Variants in SANBR observed in about 807,000 individuals in gnomAD.
The protein encoded by SANBR is SANT and BTB domain regulator of CSR.
SANBR carries 77 observed loss-of-function variants against 101.8 expected under a neutral mutation model. The ratio of observed to expected loss-of-function variants is 0.76; its 90% CI spans 0.63 to 0.91. The LOEUF is 0.91. Among genes scored for constraint, SANBR ranks in the 40% least tolerant of loss-of-function variants. The pLI, the probability that SANBR is intolerant of heterozygous loss-of-function variation, is 0.00. For missense variants in SANBR, 875 were observed against 853.0 expected (o/e 1.03, Z -0.32); for synonymous variants, 279 against 274.7 (o/e 1.02, Z -0.15).
intron 12 of SANBR, among the ~76,000 whole-genome samples, chr2:61,102,194 G>A (rs758276275): frequency 8.6e-5 from 13 of 151,518 alleles, no homozygotes; most frequent in Non-Finnish European, 1.9e-4. Context: ...TGACCAACAT[G>A]GTGAAACCCC....
At chr2:61,066,898 T>C (rs1415667497) in intron 1 of SANBR, among the ~76,000 whole-genome samples, 3 of 152,100 alleles carry the variant, frequency 2.0e-5, no homozygotes, top group Admixed American at 1.3e-4. Flanking sequence ...GTTAAACATA[T>C]TGGATTTTTA....
intron 10 of SANBR, chr2:61,088,990 T>A: frequency 1.1e-6 from 1 of 899,152 alleles, no homozygotes; most frequent in Non-Finnish European, 1.3e-6. Context: ...CATAATGTTT[T>A]ACACATTAAA....
At chr2:61,096,429 G>T (rs1242766426) in intron 11 of SANBR, among the ~76,000 whole-genome samples, 1 of 152,124 alleles carries the variant, frequency 6.6e-6, no homozygotes, top group African/African-American at 2.4e-5. Context: ...GGGACTCAGG[G>T]TCCATCCTAA....
At chr2:61,101,189 C>T (rs62151033) in intron 12 of SANBR, among the ~76,000 whole-genome samples, 2,230 of 152,196 alleles carry the variant, frequency 0.015, 37 homozygotes, top group African/African-American at 0.029. Flanking sequence ...GGGCATGAGA[C>T]GTTAAGCAAA....
intron 21 of SANBR, among the ~76,000 whole-genome samples, chr2:61,134,486 T>C (rs111517386): frequency 2.0e-5 from 3 of 152,250 alleles, no homozygotes; most frequent in African/African-American, 7.2e-5. Flanking sequence ...CTCTTCTTTC[T>C]GTGTGGTATT....
intron 20 of SANBR, among the ~76,000 whole-genome samples, chr2:61,130,734 G>A (rs1285110591): frequency 6.6e-6 from 1 of 151,380 alleles, no homozygotes; most frequent in African/African-American, 2.4e-5. Context: ...AGATCATGAG[G>A]TCAGGAGTTC....
intron 5 of SANBR, among the ~76,000 whole-genome samples, chr2:61,074,441 C>T (rs139352927): frequency 3.9e-5 from 6 of 152,148 alleles, no homozygotes; most frequent in Admixed American, 6.5e-5. Context: ...CAAAGTCTCA[C>T]GCTGTCACCC....
intron 10 of SANBR, 47 bp from the exon 11 acceptor site, chr2:61,092,417 C>G (rs370184644): frequency 2.1e-5 from 29 of 1,390,458 alleles, no homozygotes; most frequent in Non-Finnish European, 2.7e-5. Context: ...ATAAATAAAA[C>G]AAATTGTTTA....
rs902489294 is a variant in SANBR, at chr2:61,108,310, C to G, written c.1612-7C>G. 1.9e-6 allele frequency: 3 copies of G among 1,556,088 alleles called. No homozygotes were observed. In the African/African-American group the frequency reaches 4.1e-5, roughly 21 times the overall value. Reference sequence around the variant, plus strand: ...AGATTTATTAATCTCTTATTCCTGTCTTGTAGTTCTTGTCATTGAAAAACT... The same window carrying G: ...AGATTTATTAATCTCTTATTCCTGTGTTGTAGTTCTTGTCATTGAAAAACT... On this transcript the variant is annotated splice_region_variant and splice_polypyrimidine_tract_variant and intron_variant, in intron 14 of 21. Transcript: ENST00000402291.
Position 61,117,405 on chromosome 2 carries a change from C to T in SANBR, c.1865+20C>T. On this transcript the variant is annotated intron_variant, in intron 18 of 21. Coordinates refer to ENST00000402291, the MANE Select transcript of SANBR (RefSeq NM_001129993.3). ...TTTCGTGTGAGTATTGCTCCTTAAT[C>T]CAATCGGATATCCACTCTTAAAGAA... is the stretch of plus-strand genomic sequence containing the variant. 6.2e-7 allele frequency: 1 copy of T among 1,613,426 alleles called. No individual in the cohort carries two copies. Among genetic ancestry groups the T allele is most frequent in the Non-Finnish European group, 8.5e-7 (1 of 1,179,458 alleles).
chr2:61,089,720 G>A (rs1682641934), intron 10 of SANBR: 1 of 152,234 alleles, frequency 6.6e-6, no homozygotes. Context: ...TTCTCTTTAT[G>A]TTCAAAACAA....
At chr2:61,109,724 A>G (rs1165161668) in intron 16 of SANBR, among the ~76,000 whole-genome samples, 2 of 137,586 alleles carry the variant, frequency 1.5e-5, no homozygotes, top group Non-Finnish European at 3.0e-5. Context: ...ACTCTGTCAC[A>G]GTGGCGCAAT....
In SANBR at chr2:61,117,478, A is replaced by C. The variant is rs1684129685; in HGVS notation, c.1877A>C (p.Gln626Pro). Residue 626 changes from glutamine (Q) to proline (P), a missense_variant, in exon 19 of 22, where the codon CAG becomes CCG. Transcript: ENST00000402291. ...AATTTTTTCAATAGTATGAGTATGC[A>C]GAAGAATAAGTGGGATGCCACAAGA... The part of the protein sequence containing the change: ...RDVSPFVMSM[Q>P]KNKWDATRSL... The C allele has an allele frequency of 6.2e-7, 1 of 1,613,900 alleles. No individual in the cohort carries two copies. The highest frequency in any genetic ancestry group is 8.5e-7 in the Non-Finnish European group (1 of 1,179,880).
Position 61,118,018 on chromosome 2 carries a change from T to C in SANBR, c.1940-10T>C. ...ATGAAAAGTAAAGTTTACTGTTTTT[T>C]TCCCTTCAGATCAACGGCGAATGAC... is the stretch of plus-strand genomic sequence containing the variant. On this transcript the variant is annotated splice_polypyrimidine_tract_variant and intron_variant, in intron 19 of 21. Coordinates refer to ENST00000402291, the MANE Select transcript of SANBR (RefSeq NM_001129993.3). 6.2e-7 allele frequency: 1 copy of C among 1,605,952 alleles called. No individual in the cohort carries two copies.
intron 21 of SANBR, 175 bp downstream of exon 21, chr2:61,121,451 C>A: frequency 2.1e-6 from 1 of 474,968 alleles, no homozygotes. Flanking sequence ...AAGATAAAAT[C>A]TAATGAAAAT....
intron 4 of SANBR, among the ~76,000 whole-genome samples, chr2:61,072,329 T>A (rs1163880288): frequency 6.6e-6 from 1 of 152,012 alleles, no homozygotes. Flanking sequence ...CCCAGTACTT[T>A]AGGAGGTCAA....
At chr2:61,125,660 T>TG (rs1684493233), downstream of SANBR, among the ~76,000 whole-genome samples, 1 of 152,252 alleles carries the variant, frequency 6.6e-6, no homozygotes, top group Non-Finnish European at 1.5e-5. Flanking sequence ...TCTTACTATT[T>TG]GTTCATGAAC....
At position 61,092,599 on chromosome 2, in the gene SANBR, T is replaced by C; in HGVS notation, c.1212+12T>C. On this transcript the variant is annotated intron_variant, in intron 11 of 21. Coordinates refer to ENST00000402291, the MANE Select transcript of SANBR (RefSeq NM_001129993.3). ...CAAGATGTTATCAGGTAAGATTTTT[T>C]TTTTTAAATATCCTGCTCTGCAAAT... 2 of 1,571,248 alleles carry C rather than the reference T, an allele frequency of 1.3e-6. No individual in the cohort carries two copies. The highest frequency in any genetic ancestry group is 1.7e-6 in the Non-Finnish European group (2 of 1,164,668).
intron 20 of SANBR, among the ~76,000 whole-genome samples, chr2:61,132,058 C>T (rs1456265026): frequency 6.6e-6 from 1 of 152,188 alleles, no homozygotes; most frequent in Non-Finnish European, 1.5e-5. Context: ...AGAGTCAAAA[C>T]TGTAAAACTC....
Sources: gnomAD v4.1 joint callset for allele counts (sites outside exome capture counted in the v4.1 genomes callset) on GRCh38, gnomAD v4.1.1 for gene constraint, MANE v1.5 for transcripts, NCBI Gene and HGNC (gene_info 2026-07-23, HGNC 2026-07-21) for gene names.